GALNT13: variants seen among roughly 807,000 people sequenced by gnomAD.
The protein encoded by GALNT13 is polypeptide N-acetylgalactosaminyltransferase 13, also known as UDP-GalNAc:polypeptide N-acetylgalactosaminyltransferase 13.
In GALNT13, 28 loss-of-function variants were observed where a neutral mutation model predicts 64.2. That is an observed-to-expected ratio of 0.44 (90% CI 0.32 to 0.60). GALNT13 has a LOEUF of 0.60. Ranked by LOEUF, GALNT13 falls within the 20% of genes least tolerant of loss-of-function variation. GALNT13 has a pLI of 0.05. For synonymous variants in GALNT13, 214 were observed against 224.6 expected (o/e 0.95, Z 0.42); for missense variants, 577 against 669.8 (o/e 0.86, Z 1.53).
At chr2:153,731,441 C>T in the GALNT13 span, among the ~76,000 whole-genome samples, 5 of 151,754 alleles carry the variant, frequency 3.3e-5, no homozygotes, top group African/African-American at 1.2e-4. Flanking sequence ...TAGACTTTAC[C>T]ACTGCACGAT....
intron 8 of GALNT13, among the ~76,000 whole-genome samples, chr2:154,269,514 T>G (rs1268999592): frequency 6.6e-6 from 1 of 151,372 alleles, no homozygotes; most frequent in East Asian, 2.0e-4. Flanking sequence ...TCTTTAAATA[T>G]GATAAATCAC....
the GALNT13 span, among the ~76,000 whole-genome samples, chr2:153,174,621 A>T: frequency 1.3e-5 from 2 of 152,118 alleles, no homozygotes; most frequent in Non-Finnish European, 2.9e-5. Flanking sequence ...TACCTTCAGC[A>T]CTTTGCTTAG....
chr2:153,753,252 A>G, the GALNT13 span, among the ~76,000 whole-genome samples: 1 of 152,120 alleles, frequency 6.6e-6, no homozygotes, highest in East Asian at 1.9e-4. Context: ...CTGGTGCTGT[A>G]TTTAGTTTAT....
At chr2:153,131,342 G>A in the GALNT13 span, among the ~76,000 whole-genome samples, 10 of 152,202 alleles carry the variant, frequency 6.6e-5, no homozygotes, top group Admixed American at 5.2e-4. Context: ...GGTACCTAAC[G>A]GAAGCTCAAC....
chr2:153,588,352 C>T, the GALNT13 span, among the ~76,000 whole-genome samples: 430 of 152,352 alleles, frequency 2.8e-3, 9 homozygotes, highest in Admixed American at 0.023. Context: ...CATGAGGGCA[C>T]CGCCCCTGCA....
the GALNT13 span, among the ~76,000 whole-genome samples, chr2:153,455,597 T>C: frequency 3.3e-5 from 5 of 152,096 alleles, no homozygotes; most frequent in East Asian, 5.8e-4. Context: ...CCGGCTGGAG[T>C]GAACTCCGTG....
the GALNT13 span, among the ~76,000 whole-genome samples, chr2:153,351,151 G>T: frequency 1.3e-5 from 2 of 152,030 alleles, no homozygotes; most frequent in African/African-American, 2.4e-5. Context: ...AATTTAAAAT[G>T]GTTAGTTGGT....
At chr2:153,749,002 TG>T in the GALNT13 span, among the ~76,000 whole-genome samples, 1 of 152,234 alleles carries the variant, frequency 6.6e-6, no homozygotes, top group African/African-American at 2.4e-5. Flanking sequence ...ATTTGATTTT[TG>T]TATATAGTGA....
intron 11 of GALNT13, among the ~76,000 whole-genome samples, chr2:154,416,608 A>G (rs140299689): frequency 1.3e-5 from 2 of 152,302 alleles, no homozygotes; most frequent in East Asian, 3.9e-4. Flanking sequence ...GACTAAGGGG[A>G]AAATATCCAA....
the GALNT13 span, among the ~76,000 whole-genome samples, chr2:153,413,624 G>A: frequency 2.0e-5 from 3 of 152,130 alleles, no homozygotes; most frequent in African/African-American, 4.8e-5. Flanking sequence ...TTGAGTCCAT[G>A]TAAAATAGAT....
At chr2:153,363,034 C>T in the GALNT13 span, among the ~76,000 whole-genome samples, 5 of 152,148 alleles carry the variant, frequency 3.3e-5, no homozygotes, top group African/African-American at 9.7e-5. Flanking sequence ...AACAAACATT[C>T]TCTCAGAACA....
chr2:154,018,042 C>T (rs925230599), intron 3 of GALNT13, among the ~76,000 whole-genome samples: 1 of 152,158 alleles, frequency 6.6e-6, no homozygotes, highest in African/African-American at 2.4e-5. Flanking sequence ...TCACTGTAAT[C>T]TTCATTGCAA....
At chr2:153,706,004 T>A in the GALNT13 span, among the ~76,000 whole-genome samples, 14 of 152,054 alleles carry the variant, frequency 9.2e-5, 1 homozygote, top group Admixed American at 8.5e-4. Flanking sequence ...ATATATATAT[T>A]TTCTTTTTTT....
At chr2:154,197,085 A>G (rs988906333) in intron 4 of GALNT13, among the ~76,000 whole-genome samples, 2 of 152,130 alleles carry the variant, frequency 1.3e-5, no homozygotes, top group East Asian at 1.9e-4. Context: ...TATCTTCAAT[A>G]TCTTCTCAGG....
At chr2:153,697,431 C>CTT in the GALNT13 span, among the ~76,000 whole-genome samples, 124 of 152,270 alleles carry the variant, frequency 8.1e-4, no homozygotes, top group African/African-American at 2.8e-3. Context: ...GTTCCTATAA[C>CTT]TAGTCACATG....
At chr2:153,756,649 C>T in the GALNT13 span, among the ~76,000 whole-genome samples, 2 of 151,990 alleles carry the variant, frequency 1.3e-5, no homozygotes, top group African/African-American at 2.4e-5. Context: ...TTATGAGAAA[C>T]ATTTTTCTTT....
the GALNT13 span, among the ~76,000 whole-genome samples, chr2:153,428,484 C>T: frequency 6.6e-6 from 1 of 152,138 alleles, no homozygotes; most frequent in Non-Finnish European, 1.5e-5. Flanking sequence ...ATGCTTTCTT[C>T]CCATCAGGCC....
the GALNT13 span, among the ~76,000 whole-genome samples, chr2:153,290,106 G>A: frequency 6.6e-6 from 1 of 152,048 alleles, no homozygotes; most frequent in Admixed American, 6.6e-5. Flanking sequence ...TAACTCTAAA[G>A]TCACCTTACT....
At chr2:154,232,887 C>G (rs990626211) in intron 4 of GALNT13, among the ~76,000 whole-genome samples, 3 of 148,456 alleles carry the variant, frequency 2.0e-5, no homozygotes, top group African/African-American at 7.4e-5. Context: ...AAAAAAATTA[C>G]AAAAATAAGT....
Sources: gnomAD v4.1 joint callset for allele counts (sites outside exome capture counted in the v4.1 genomes callset) on GRCh38, gnomAD v4.1.1 for gene constraint, MANE v1.5 for transcripts, NCBI Gene and HGNC (gene_info 2026-07-23, HGNC 2026-07-21) for gene names.